CACNG3: variants seen among roughly 807,000 people sequenced by gnomAD.
The protein encoded by CACNG3 is calcium voltage-gated channel auxiliary subunit gamma 3, also known as voltage-dependent calcium channel gamma-3 subunit.
In CACNG3, 3 loss-of-function variants were observed where a neutral mutation model predicts 28.5. That is an observed-to-expected ratio of 0.11 (90% confidence interval 0.05 to 0.27). The LOEUF is 0.27. Ranked by LOEUF, CACNG3 falls within the 10% of genes least tolerant of loss-of-function variation. CACNG3 has a pLI of 1.00. For missense variants in CACNG3, 236 were observed against 414.4 expected (o/e 0.57, Z 3.74); for synonymous variants, 174 against 162.2 (o/e 1.07, Z -0.55).
At chr16:24,292,965 G>A (rs1203454814) in intron 1 of CACNG3, among the ~76,000 whole-genome samples, 2 of 152,148 alleles carry the variant, frequency 1.3e-5, no homozygotes, top group Non-Finnish European at 2.9e-5. Context: ...TGATGAGATT[G>A]GAAAGGCAGC....
intron 2 of CACNG3, among the ~76,000 whole-genome samples, chr16:24,350,079 T>C (rs1161176343): frequency 6.6e-6 from 1 of 152,216 alleles, no homozygotes; most frequent in Non-Finnish European, 1.5e-5. Context: ...ACCTCTTTGA[T>C]CTGAAGCCAC....
intron 1 of CACNG3, among the ~76,000 whole-genome samples, chr16:24,263,921 T>C (rs545072616): frequency 6.6e-6 from 1 of 152,382 alleles, no homozygotes; most frequent in Non-Finnish European, 1.5e-5. Context: ...TACCTGTGGC[T>C]CCAAGAAGAA....
chr16:24,351,267 G>A (rs1471298951), intron 2 of CACNG3, among the ~76,000 whole-genome samples: 2 of 152,048 alleles, frequency 1.3e-5, no homozygotes, highest in Non-Finnish European at 2.9e-5. Flanking sequence ...CATCCAGCCT[G>A]TTAGAAAATT....
At position 24,346,762 on chromosome 16, in the gene CACNG3, C is replaced by T. The variant is rs765043632; in HGVS notation, c.240C>T (p.Ile80=). The T allele has an allele frequency of 7.4e-6, 12 of 1,613,926 alleles. No individual in the cohort carries two copies. Among genetic ancestry groups the T allele is most frequent in the African/African-American group, 2.7e-5 (2 of 74,928 alleles). The change falls in exon 2 of 4, where the codon ATC becomes ATT. Residue 80 remains isoleucine, a synonymous_variant. Transcript: ENST00000005284. ...CTTTCCGAGGCGTGTGCAAGAAAAT[C>T]GATCACTTCCCTGAAGATGCTGACT... is the stretch of plus-strand genomic sequence containing the variant. ...EGAFRGVCKK[I]DHFPEDADYE... is the part of the protein sequence containing the mutation.
At chr16:24,328,557 G>A (rs1158777189) in intron 1 of CACNG3, among the ~76,000 whole-genome samples, 1 of 151,650 alleles carries the variant, frequency 6.6e-6, no homozygotes, top group African/African-American at 2.4e-5. Context: ...ATTCAGTGGT[G>A]CTTATAGTCT....
chr16:24,304,099 C>G (rs1202291683), intron 1 of CACNG3, among the ~76,000 whole-genome samples: 1 of 152,156 alleles, frequency 6.6e-6, no homozygotes, highest in African/African-American at 2.4e-5. Context: ...GTGGTTTTAT[C>G]TATCGGCAGG....
At chr16:24,305,320 ATG>A (rs57584370) in intron 1 of CACNG3, among the ~76,000 whole-genome samples, 31,779 of 135,626 alleles carry the variant, frequency 0.23, 3,746 homozygotes, top group Middle Eastern at 0.28. Flanking sequence ...ATACATAAAT[ATG>A]TGTGTGTGTG....
intron 2 of CACNG3, among the ~76,000 whole-genome samples, chr16:24,353,061 C>T (rs142528947): frequency 3.7e-4 from 56 of 152,312 alleles, no homozygotes; most frequent in African/African-American, 1.2e-3. Context: ...CTGCAACCTC[C>T]ACTTCCTGAG....
intron 1 of CACNG3, among the ~76,000 whole-genome samples, chr16:24,260,756 C>T (rs766106063): frequency 6.6e-6 from 1 of 152,222 alleles, no homozygotes; most frequent in African/African-American, 2.4e-5. Flanking sequence ...AAAGGACACG[C>T]TTTGCATGGA....
intron 3 of CACNG3, among the ~76,000 whole-genome samples, chr16:24,360,591 C>A (rs2141386505): frequency 6.6e-6 from 1 of 152,276 alleles, no homozygotes. Flanking sequence ...AGCTCCAGAC[C>A]CATACATTTC....
At chr16:24,286,093 T>C (rs1472324251) in intron 1 of CACNG3, among the ~76,000 whole-genome samples, 1 of 152,134 alleles carries the variant, frequency 6.6e-6, no homozygotes, top group Non-Finnish European at 1.5e-5. Context: ...ATCCCTAACT[T>C]GATTTTTTCA....
chr16:24,291,420 A>T (rs1898966324), intron 1 of CACNG3, among the ~76,000 whole-genome samples: 1 of 152,214 alleles, frequency 6.6e-6, no homozygotes, highest in Non-Finnish European at 1.5e-5. Flanking sequence ...TTTCAAGTGC[A>T]GCGATTTTAT....
At chr16:24,311,976 G>A (rs957625793) in intron 1 of CACNG3, among the ~76,000 whole-genome samples, 3 of 152,366 alleles carry the variant, frequency 2.0e-5, no homozygotes, top group East Asian at 1.9e-4. Flanking sequence ...CAATCATCAC[G>A]TCTGTCCCTG....
chr16:24,283,313 T>C (rs1196915148), intron 1 of CACNG3, among the ~76,000 whole-genome samples: 2 of 152,204 alleles, frequency 1.3e-5, no homozygotes, highest in Non-Finnish European at 2.9e-5. Flanking sequence ...CTTTAGGATA[T>C]TGAGACTTCG....
intron 1 of CACNG3, among the ~76,000 whole-genome samples, chr16:24,281,718 A>G (rs1443364512): frequency 6.6e-6 from 1 of 152,216 alleles, no homozygotes; most frequent in African/African-American, 2.4e-5. Flanking sequence ...AAAGATAATT[A>G]TGATGATAAA....
At chr16:24,265,500 GAAAA>G (rs961901061) in intron 1 of CACNG3, among the ~76,000 whole-genome samples, 2 of 140,196 alleles carry the variant, frequency 1.4e-5, no homozygotes, top group African/African-American at 2.8e-5. Flanking sequence ...AAGAAGGAAA[GAAAA>G]GAAAGAAAGA....
intron 3 of CACNG3, among the ~76,000 whole-genome samples, chr16:24,357,533 C>A (rs1206860977): frequency 6.6e-6 from 1 of 152,178 alleles, no homozygotes; most frequent in Non-Finnish European, 1.5e-5. Flanking sequence ...GCTTCGCCGG[C>A]TGTGAGATGA....
intron 2 of CACNG3, among the ~76,000 whole-genome samples, chr16:24,352,930 T>C (rs1284208515): frequency 6.6e-6 from 1 of 152,166 alleles, no homozygotes; most frequent in Non-Finnish European, 1.5e-5. Flanking sequence ...GTCACTATCT[T>C]GAAATTCTTA....
At chr16:24,358,595 C>T (rs574527107) in intron 3 of CACNG3, among the ~76,000 whole-genome samples, 1 of 152,166 alleles carries the variant, frequency 6.6e-6, no homozygotes, top group African/African-American at 2.4e-5. Context: ...CTGGGAGTTA[C>T]GGCCATAGCA....
Sources: gnomAD v4.1 joint callset for allele counts (sites outside exome capture counted in the v4.1 genomes callset) on GRCh38, gnomAD v4.1.1 for gene constraint, MANE v1.5 for transcripts, NCBI Gene and HGNC (gene_info 2026-07-23, HGNC 2026-07-21) for gene names.